CATSPERE: variants seen among roughly 807,000 people sequenced by gnomAD.
The protein encoded by CATSPERE is cation channel sperm-associated auxiliary subunit epsilon.
In CATSPERE, 93 loss-of-function variants were observed where a neutral mutation model predicts 114.1. That is an observed-to-expected ratio of 0.81 (90% CI 0.69 to 0.97). CATSPERE has a LOEUF of 0.97. CATSPERE is among the 50% of genes least tolerant of loss of function. The probability of loss-of-function intolerance (pLI) is 0.00; values close to 1 mark genes in which losing one functional copy is unlikely to be tolerated. For synonymous variants in CATSPERE, 341 were observed against 384.1 expected, an observed-to-expected ratio of 0.89 and a Z score of 1.31; for missense variants, 1,058 against 1,131.6, an observed-to-expected ratio of 0.93 and a Z score of 0.93.
chr1:244,518,448 C>A, intron 7 of CATSPERE, 144 bp from the exon 8 acceptor site: 1 of 563,034 alleles, frequency 1.8e-6, no homozygotes. Flanking sequence ...GTAGAAAGAA[C>A]AAAGCTGAAT....
At chr1:244,493,858 CA>C (rs779887158) in intron 6 of CATSPERE, among the ~76,000 whole-genome samples, 3 of 152,266 alleles carry the variant, frequency 2.0e-5, no homozygotes, top group Admixed American at 6.5e-5. Context: ...AAATGCTCAT[CA>C]ATCACTGGCC....
upstream of CATSPERE, among the ~76,000 whole-genome samples, chr1:244,460,766 T>C (rs1250347634): frequency 6.6e-6 from 1 of 152,106 alleles, no homozygotes; most frequent in Non-Finnish European, 1.5e-5. Flanking sequence ...ATACAAAAAT[T>C]AGCAGGGCCT....
In CATSPERE at chr1:244,575,830, A is replaced by G. The variant is rs946312870; in HGVS notation, c.1950+3058A>G. Among the ~76,000 whole-genome samples, 1 of 151,544 alleles carries G rather than the reference A, an allele frequency of 6.6e-6. No homozygotes were observed. The highest frequency in any genetic ancestry group is 1.5e-5 in the Non-Finnish European group (1 of 67,912). ...AGAAGAGAGGAAAGGGAAGTTTTGAATATTTTTCCTATTGCTGGAGGATTG... is the reference window on the plus strand; with the variant it reads ...AGAAGAGAGGAAAGGGAAGTTTTGAGTATTTTTCCTATTGCTGGAGGATTG... On this transcript the variant is annotated intron_variant, in intron 11 of 21. Coordinates refer to ENST00000366534, the MANE Select transcript of CATSPERE (RefSeq NM_001130957.2). The surrounding 1 kb of genome is among the most constrained non-coding windows in gnomAD (Gnocchi z 4.5).
intron 15 of CATSPERE, among the ~76,000 whole-genome samples, chr1:244,592,025 T>A (rs1373394439): frequency 4.2e-5 from 1 of 23,700 alleles, no homozygotes; most frequent in Non-Finnish European, 2.4e-4. Context: ...ATACAAGAAT[T>A]TTTTTTCCTT....
intron 8 of CATSPERE, among the ~76,000 whole-genome samples, chr1:244,536,303 C>T (rs2148438910): frequency 6.6e-6 from 1 of 152,188 alleles, no homozygotes; most frequent in South Asian, 2.1e-4. Context: ...TGTCCACTGT[C>T]TCTGAGCCCA....
Position 244,552,389 on chromosome 1 carries a change from A to G in CATSPERE, c.604A>G (p.Thr202Ala). ...ALKEIRGNQV[T>A]FQDCFIADFL... is the part of the protein sequence containing the mutation. ...AAAGGAGATTAGAGGAAACCAAGTT[A>G]CTTTTCAGGATTGCTTTATTGCAGA... Residue 202 changes from threonine (T) to alanine (A), a missense_variant, in exon 9 of 22, where the codon ACT (threonine) becomes GCT (alanine). Thr to Ala is a moderately conservative substitution (Grantham distance 58). Transcript: ENST00000366534. 6.2e-7 allele frequency: 1 copy of G among 1,614,178 alleles called. No individual in the cohort carries two copies. Among genetic ancestry groups the G allele is most frequent in the South Asian group, 1.1e-5 (1 of 91,062 alleles).
chr1:244,510,835 C>CTTTTTTT lies in CATSPERE; in HGVS notation c.430-7738_430-7732dup, dbSNP rs747921082. On this transcript the variant is annotated intron_variant, in intron 7 of 21. Coordinates refer to ENST00000366534, the MANE Select transcript of CATSPERE (RefSeq NM_001130957.2). ...TTCTTTTTTTTTTCTTTTTCTTTTT[C>CTTTTTTT]TTTTTTTTTTTTTTTTTTTTTTTTT... Among the ~76,000 whole-genome samples the CTTTTTTT allele has an allele frequency of 2.9e-3, 138 of 48,328 alleles. 1 individual carries two copies. The highest frequency in any genetic ancestry group is 4.0e-3 in the East Asian group (5 of 1,240). The allele number at this position is 48,328 out of a possible 152,430, so 31.7% of individuals were successfully genotyped here.
chr1:244,604,711 A>G (rs183231487), intron 17 of CATSPERE, among the ~76,000 whole-genome samples: 41 of 152,370 alleles, frequency 2.7e-4, no homozygotes, highest in African/African-American at 9.4e-4. Context: ...ACTGACGGAG[A>G]AGGAAAACAT....
In CATSPERE at chr1:244,520,547, A is replaced by G. The variant is rs150460555; in HGVS notation, c.536+1849A>G. ...CTTCTCCCATGGGTCTCTGCAACCC[A>G]CAATCAGGAGATGCCCTTATGAGCC... is the stretch of plus-strand genomic sequence containing the variant. On this transcript the variant is annotated intron_variant, in intron 8 of 21. Transcript: ENST00000366534. Among the ~76,000 whole-genome samples, 1,297 of 152,232 alleles carry G rather than the reference A, an allele frequency of 8.5e-3. 24 individuals are homozygous for G. The highest frequency in any genetic ancestry group is 0.029 in the African/African-American group (1,222 of 41,522).
intron 8 of CATSPERE, among the ~76,000 whole-genome samples, chr1:244,538,112 C>T (rs566514794): frequency 1.3e-5 from 2 of 152,168 alleles, no homozygotes; most frequent in South Asian, 4.1e-4. Flanking sequence ...TGCTTGAGCC[C>T]AGGATTTCAA....
intron 10 of CATSPERE, among the ~76,000 whole-genome samples, chr1:244,572,106 A>G (rs575551098): frequency 6.6e-6 from 1 of 152,346 alleles, no homozygotes; most frequent in Admixed American, 6.5e-5. Context: ...ATGATGTTAT[A>G]TAAGTGATAT....
At chr1:244,588,181 A>G (rs929349011) in intron 13 of CATSPERE, among the ~76,000 whole-genome samples, 6 of 126,928 alleles carry the variant, frequency 4.7e-5, no homozygotes, top group Admixed American at 2.7e-4. Context: ...GCGACAGAAC[A>G]AGACTTCATC....
chr1:244,604,840 A>C (rs1429591616), intron 17 of CATSPERE, among the ~76,000 whole-genome samples: 1 of 152,204 alleles, frequency 6.6e-6, no homozygotes, highest in Non-Finnish European at 1.5e-5. Context: ...AAAAATATTA[A>C]TATGAAGCAC....
chr1:244,490,559 T>G (rs765230743), intron 6 of CATSPERE, 88 bp downstream of exon 6: 1 of 856,370 alleles, frequency 1.2e-6, no homozygotes, highest in East Asian at 2.6e-5. Context: ...AGATGAGGAA[T>G]TTTTCAAATG....
intron 8 of CATSPERE, among the ~76,000 whole-genome samples, chr1:244,536,911 G>T (rs1680472045): frequency 7.0e-6 from 1 of 143,176 alleles, no homozygotes; most frequent in South Asian, 2.3e-4. Flanking sequence ...TATCCTGCAG[G>T]TATAATTTTT....
intron 6 of CATSPERE, among the ~76,000 whole-genome samples, chr1:244,496,250 A>G (rs1172489648): frequency 6.6e-6 from 1 of 152,250 alleles, no homozygotes; most frequent in African/African-American, 2.4e-5. Flanking sequence ...TAAAATTTTA[A>G]AATCCTTTAA....
intron 6 of CATSPERE, among the ~76,000 whole-genome samples, chr1:244,493,775 C>G (rs1672632063): frequency 6.6e-6 from 1 of 152,154 alleles, no homozygotes; most frequent in African/African-American, 2.4e-5. Context: ...ACAACCCCAT[C>G]AAAAAGTGGG....
intron 21 of CATSPERE, chr1:244,636,895 G>A (rs936205693): frequency 6.6e-6 from 1 of 152,162 alleles, no homozygotes; most frequent in Admixed American, 6.6e-5. Flanking sequence ...CAAAGAGCTC[G>A]GCACTTCCTT....
intron 7 of CATSPERE, among the ~76,000 whole-genome samples, chr1:244,516,621 A>C (rs1027912303): frequency 1.3e-5 from 2 of 149,424 alleles, no homozygotes; most frequent in African/African-American, 5.1e-5. Context: ...TCCTGAGTTC[A>C]AGTGATTCTC....
Sources: allele counts gnomAD v4.1 joint callset (sites outside exome capture counted in the v4.1 genomes callset), GRCh38; gene constraint gnomAD v4.1.1; non-coding constraint Gnocchi (gnomAD v3.1); transcripts MANE v1.5; gene names NCBI Gene and HGNC (gene_info 2026-07-23, HGNC 2026-07-21).